Variants in KIAA0513 observed in about 807,000 individuals in gnomAD.
KIAA0513 encodes the protein KIAA0513.
KIAA0513 carries 39 observed loss-of-function variants against 56.5 expected under a neutral mutation model. The ratio of observed to expected loss-of-function variants is 0.69; its 90% CI spans 0.53 to 0.90. The LOEUF (loss-of-function observed/expected upper bound fraction) is 0.90. Among genes scored for constraint, KIAA0513 ranks in the 40% least tolerant of loss-of-function variants. The probability of loss-of-function intolerance (pLI) is 0.00; values close to 1 mark genes in which losing one functional copy is unlikely to be tolerated. For synonymous variants in KIAA0513, 268 were observed against 215.6 expected, an observed-to-expected ratio of 1.24 and a Z score of -2.13; for missense variants, 591 against 535.2, an observed-to-expected ratio of 1.10 and a Z score of -1.03.
intron 1 of KIAA0513, among the ~76,000 whole-genome samples, chr16:85,053,897 C>G (rs2143938096): frequency 6.7e-6 from 1 of 150,080 alleles, no homozygotes; most frequent in Middle Eastern, 3.5e-3. Context: ...GAGGCTGAGG[C>G]AGGAGAATCA....
intron 1 of KIAA0513, among the ~76,000 whole-genome samples, chr16:85,038,519 C>T (rs774726872): frequency 6.8e-4 from 104 of 151,924 alleles, no homozygotes; most frequent in Middle Eastern, 3.4e-3. Context: ...CCGGTCTGAC[C>T]AACACAGTGA....
chr16:85,082,911 G>A (rs1280125103), intron 10 of KIAA0513, among the ~76,000 whole-genome samples: 1 of 152,250 alleles, frequency 6.6e-6, no homozygotes, highest in Non-Finnish European at 1.5e-5. Flanking sequence ...TGACGCCGGG[G>A]AAAGCGGGCT....
chr16:85,054,417 TTTTC>T (rs2073298492), intron 1 of KIAA0513, among the ~76,000 whole-genome samples: 2 of 124,474 alleles, frequency 1.6e-5, no homozygotes, highest in Non-Finnish European at 3.3e-5. Flanking sequence ...TTTCTTTTTC[TTTTC>T]TTTTTTTTTT....
At chr16:85,069,012 T>C (rs1453067675) in intron 2 of KIAA0513, among the ~76,000 whole-genome samples, 2 of 152,068 alleles carry the variant, frequency 1.3e-5, no homozygotes, top group East Asian at 3.9e-4. Flanking sequence ...TGGTTAGCCA[T>C]ACTGGTGTGC....
intron 1 of KIAA0513, among the ~76,000 whole-genome samples, chr16:85,039,365 C>T (rs747113828): frequency 3.3e-5 from 5 of 152,202 alleles, no homozygotes; most frequent in Admixed American, 1.3e-4. Flanking sequence ...TGCAGTTGCA[C>T]GATCAGGGCT....
At chr16:85,031,625 C>G (rs537153701) in intron 1 of KIAA0513, among the ~76,000 whole-genome samples, 56 of 152,340 alleles carry the variant, frequency 3.7e-4, no homozygotes, top group African/African-American at 1.3e-3. Context: ...CTGTCATTCA[C>G]CACGGTCCTG....
rs762593162 is a variant in KIAA0513 at position 85,086,658 on chromosome 16, A to T, written c.1025A>T (p.His342Leu). Residue 342 changes from histidine to leucine, a missense_variant, in exon 11 of 13, where the codon CAC becomes CTC. Transcript: ENST00000683363. The stretch of plus-strand genomic sequence containing the variant: ...TGTGCTTGCAGGGAGAAGTGGTGCC[A>T]CATGACCCAGGAGGAGCGCGACGAC... ...EEEEKREKWC[H>L]MTQEERDDSL... 6.2e-7 allele frequency: 1 copy of T among 1,613,872 alleles called. No individual in the cohort carries two copies. Among genetic ancestry groups the T allele is most frequent in the Non-Finnish European group, 8.5e-7 (1 of 1,179,990 alleles).
intron 1 of KIAA0513, among the ~76,000 whole-genome samples, chr16:85,049,950 G>T (rs1414760337): frequency 6.6e-6 from 1 of 152,162 alleles, no homozygotes; most frequent in African/African-American, 2.4e-5. Context: ...AAGAGTGGAA[G>T]GCCAAGTCGG....
chr16:85,063,622 T>G (rs1162704294), intron 1 of KIAA0513: 4 of 152,254 alleles, frequency 2.6e-5, no homozygotes, highest in African/African-American at 9.7e-5. Flanking sequence ...CTGCTACTGC[T>G]TGAACGGCTT....
chr16:85,085,564 C>T (rs1404780907), intron 10 of KIAA0513, among the ~76,000 whole-genome samples: 5 of 152,222 alleles, frequency 3.3e-5, no homozygotes, highest in African/African-American at 9.7e-5. Context: ...TCTCCACATT[C>T]GCAGCTGCTT....
intron 1 of KIAA0513, among the ~76,000 whole-genome samples, chr16:85,062,845 G>T (rs557457238): frequency 2.6e-4 from 40 of 152,288 alleles, no homozygotes; most frequent in African/African-American, 9.4e-4. Context: ...GGCCAAGACT[G>T]TGACCCTGCA....
chr16:85,041,961 C>A (rs1280420060), intron 1 of KIAA0513, among the ~76,000 whole-genome samples: 38 of 152,284 alleles, frequency 2.5e-4, no homozygotes, highest in Non-Finnish European at 5.9e-5. Flanking sequence ...GCACTCCTGT[C>A]CCTCCTTGTC....
intron 1 of KIAA0513, among the ~76,000 whole-genome samples, chr16:85,063,971 A>C (rs1194460078): frequency 6.8e-6 from 1 of 146,018 alleles, no homozygotes; most frequent in African/African-American, 2.5e-5. Context: ...ACTTTTTCAC[A>C]TGTATTTACC....
chr16:85,079,353 G>A, intron 8 of KIAA0513: 1 of 260,250 alleles, frequency 3.8e-6, no homozygotes, highest in Non-Finnish European at 7.4e-6. Context: ...AATGTCTGTA[G>A]CAACGTCGTT....
In KIAA0513 at chr16:85,081,986, G is replaced by A. The variant is rs2073751022; in HGVS notation, c.981-578G>A. Among the ~76,000 whole-genome samples the A allele has an allele frequency of 6.6e-6, 1 of 152,234 alleles. No individual in the cohort carries two copies. The highest frequency in any genetic ancestry group is 2.4e-5 in the African/African-American group (1 of 41,468). On this transcript the variant is annotated intron_variant, in intron 9 of 12. Transcript: ENST00000683363. The surrounding 1 kb of genome is among the most constrained non-coding windows in gnomAD (Gnocchi z 4.4). The stretch of plus-strand genomic sequence containing the variant: ...AGCGACATGACAGCGAGGGACGGCA[G>A]CCCCTGGGGGAGCCCCTTCCAGTCA...
chr16:85,047,431 G>A (rs902798854), intron 1 of KIAA0513, among the ~76,000 whole-genome samples: 1 of 152,204 alleles, frequency 6.6e-6, no homozygotes, highest in Non-Finnish European at 1.5e-5. Context: ...CAGGGCTTCA[G>A]TTATCAGCTC....
chr16:85,055,986 C>G (rs180735389), intron 1 of KIAA0513, among the ~76,000 whole-genome samples: 4 of 152,358 alleles, frequency 2.6e-5, no homozygotes, highest in East Asian at 3.9e-4. Flanking sequence ...AGTCCCCATC[C>G]TGGCCTTGCC....
At chr16:85,047,757 C>T (rs923997844) in intron 1 of KIAA0513, among the ~76,000 whole-genome samples, 3 of 152,078 alleles carry the variant, frequency 2.0e-5, no homozygotes, top group Non-Finnish European at 2.9e-5. Context: ...TCTCCTGGAG[C>T]CCCCGGGCAC....
chr16:85,044,856 C>T (rs113264191), intron 1 of KIAA0513, among the ~76,000 whole-genome samples: 4 of 152,008 alleles, frequency 2.6e-5, no homozygotes, highest in African/African-American at 9.6e-5. Context: ...TGGTGGCTCA[C>T]ACCTGTAATC....
Sources: allele counts gnomAD v4.1 joint callset (sites outside exome capture counted in the v4.1 genomes callset), GRCh38; gene constraint gnomAD v4.1.1; non-coding constraint Gnocchi (gnomAD v3.1); transcripts MANE v1.5; gene names NCBI Gene and HGNC (gene_info 2026-07-23, HGNC 2026-07-21).